The following CACNA2D3 variants were observed in gnomAD, a reference collection of about 807,000 sequenced individuals.
CACNA2D3 encodes calcium voltage-gated channel auxiliary subunit alpha2delta 3.
CACNA2D3 carries 60 observed loss-of-function variants against 160.6 expected under a neutral mutation model. That is an observed-to-expected ratio of 0.37 (90% CI 0.30 to 0.46). The LOEUF (loss-of-function observed/expected upper bound fraction) is 0.46. Among genes scored for constraint, CACNA2D3 ranks in the 20% least tolerant of loss-of-function variants. The pLI, the probability that CACNA2D3 is intolerant of heterozygous loss-of-function variation, is 1.00. For missense variants in CACNA2D3, 1,205 were observed against 1,365.0 expected (o/e 0.88, Z 1.85); for synonymous variants, 558 against 492.9 (o/e 1.13, Z -1.75).
In CACNA2D3 at chr3:54,887,893, A is replaced by G. The variant is rs567360076; in HGVS notation, c.2057-66A>G. 1,461 of 1,206,900 alleles carry G rather than the reference A, an allele frequency of 1.2e-3. 3 individuals are homozygous for G. Among genetic ancestry groups the G allele is most frequent in the Non-Finnish European group, 1.7e-3 (1,347 of 809,314 alleles). The allele number at this position is 1,206,900 out of a possible 1,614,324, so 74.8% of individuals were successfully genotyped here. ...CCTGCAGATGCTGCACAATGAGCCC[A>G]TGAGTGCCTCTCATGCCCCTCTTCC... is the stretch of plus-strand genomic sequence containing the variant. On this transcript the variant is annotated intron_variant, in intron 23 of 37. Transcript: ENST00000474759.
intron 3 of CACNA2D3, among the ~76,000 whole-genome samples, chr3:54,378,401 G>A (rs1699045065): frequency 1.3e-5 from 2 of 152,130 alleles, no homozygotes; most frequent in Admixed American, 6.5e-5. Context: ...AGTGATGCTC[G>A]CAGGCCCTCC....
chr3:54,715,837 C>T (rs1037456342), intron 11 of CACNA2D3, among the ~76,000 whole-genome samples: 1 of 152,116 alleles, frequency 6.6e-6, no homozygotes, highest in African/African-American at 2.4e-5. Context: ...TATGCTAAGC[C>T]AAACACAGAA....
intron 11 of CACNA2D3, among the ~76,000 whole-genome samples, chr3:54,656,631 T>G (rs187779660): frequency 2.6e-5 from 4 of 152,292 alleles, no homozygotes; most frequent in Non-Finnish European, 4.4e-5. Flanking sequence ...TGCAGAAAAT[T>G]AGGGGCCCAC....
chr3:54,575,297 GT>G (rs77653543), intron 8 of CACNA2D3, among the ~76,000 whole-genome samples: 2,946 of 152,146 alleles, frequency 0.019, 132 homozygotes, highest in East Asian at 0.19. Flanking sequence ...AATTCTATGG[GT>G]TTTTTTGGCA....
chr3:54,586,262 CAAAAAAA>C (rs34992866), intron 9 of CACNA2D3, among the ~76,000 whole-genome samples: 9 of 101,330 alleles, frequency 8.9e-5, no homozygotes. Flanking sequence ...AGATCCATCT[CAAAAAAA>C]AAAAAAAAAA....
At chr3:55,011,360 A>T (rs1466794777) in intron 34 of CACNA2D3, among the ~76,000 whole-genome samples, 1 of 152,192 alleles carries the variant, frequency 6.6e-6, no homozygotes, top group East Asian at 1.9e-4. Context: ...GAGTGCCCCA[A>T]ATCCCACTTA....
At chr3:54,279,288 A>T (rs1447211064) in intron 2 of CACNA2D3, among the ~76,000 whole-genome samples, 1 of 152,160 alleles carries the variant, frequency 6.6e-6, no homozygotes, top group African/African-American at 2.4e-5. Flanking sequence ...TTTCAGTGAC[A>T]CCTTTCTACC....
chr3:54,523,041 G>T (rs1701671477), intron 5 of CACNA2D3, among the ~76,000 whole-genome samples: 2 of 151,880 alleles, frequency 1.3e-5, no homozygotes, highest in Admixed American at 1.3e-4. Flanking sequence ...TTGACACTTG[G>T]AGTATGTTAT....
intron 11 of CACNA2D3, among the ~76,000 whole-genome samples, chr3:54,726,825 G>T (rs546919756): frequency 1.3e-5 from 2 of 152,050 alleles, no homozygotes; most frequent in Admixed American, 1.3e-4. Flanking sequence ...AAGGAAACGT[G>T]GGTAATACCA....
intron 11 of CACNA2D3, among the ~76,000 whole-genome samples, chr3:54,728,341 G>A (rs1006881179): frequency 2.6e-5 from 4 of 151,892 alleles, no homozygotes; most frequent in Non-Finnish European, 5.9e-5. Flanking sequence ...TCTTCTCTTC[G>A]GTAGTGTCTA....
chr3:54,929,096 T>G (rs950756086), intron 27 of CACNA2D3, among the ~76,000 whole-genome samples: 1 of 152,154 alleles, frequency 6.6e-6, no homozygotes, highest in African/African-American at 2.4e-5. Context: ...ATTGAGCCAT[T>G]GGGTTTGGGC....
chr3:54,402,090 A>G (rs532024849), intron 4 of CACNA2D3, among the ~76,000 whole-genome samples: 19 of 152,294 alleles, frequency 1.2e-4, no homozygotes, highest in African/African-American at 3.8e-4. Context: ...GATGTTTTGC[A>G]TAAACCATAT....
At chr3:54,749,313 A>T (rs976405711) in intron 11 of CACNA2D3, among the ~76,000 whole-genome samples, 1 of 152,256 alleles carries the variant, frequency 6.6e-6, no homozygotes, top group Non-Finnish European at 1.5e-5. Flanking sequence ...ATGAACTTGT[A>T]GCCAGTCAGC....
At chr3:54,363,286 A>G (rs1575415994) in intron 3 of CACNA2D3, among the ~76,000 whole-genome samples, 1 of 152,162 alleles carries the variant, frequency 6.6e-6, no homozygotes, top group Non-Finnish European at 1.5e-5. Flanking sequence ...CACATACACG[A>G]TCGGACAAAA....
chr3:54,389,408 G>A (rs1019359249), intron 4 of CACNA2D3, among the ~76,000 whole-genome samples: 1 of 152,144 alleles, frequency 6.6e-6, no homozygotes, highest in Non-Finnish European at 1.5e-5. Context: ...AATCTTCAGT[G>A]GATGCTAAAA....
chr3:54,418,316 A>G (rs980758916), intron 4 of CACNA2D3, among the ~76,000 whole-genome samples: 1 of 152,156 alleles, frequency 6.6e-6, no homozygotes, highest in Non-Finnish European at 1.5e-5. Context: ...CAGTTTCACC[A>G]TGAAATGTTT....
intron 11 of CACNA2D3, among the ~76,000 whole-genome samples, chr3:54,721,695 A>T (rs775309394): frequency 1.4e-5 from 2 of 145,262 alleles, no homozygotes; most frequent in Non-Finnish European, 3.0e-5. Context: ...CAGGAGGTGG[A>T]GTTTGCAGTG....
chr3:54,308,678 CTT>C (rs1313315642), intron 2 of CACNA2D3, among the ~76,000 whole-genome samples: 1 of 152,136 alleles, frequency 6.6e-6, no homozygotes, highest in African/African-American at 2.4e-5. Context: ...AGCAGTGTAA[CTT>C]TGGATAAGTT....
chr3:54,275,009 G>A (rs1019520491), intron 2 of CACNA2D3, among the ~76,000 whole-genome samples: 2 of 152,256 alleles, frequency 1.3e-5, no homozygotes, highest in Non-Finnish European at 2.9e-5. Flanking sequence ...AAGGCATAAA[G>A]ACCAGGAGGC....
Sources: gnomAD v4.1 joint callset for allele counts (sites outside exome capture counted in the v4.1 genomes callset) on GRCh38, gnomAD v4.1.1 for gene constraint, MANE v1.5 for transcripts, NCBI Gene and HGNC (gene_info 2026-07-23, HGNC 2026-07-21) for gene names.